KDM4C: variants seen among roughly 807,000 people sequenced by gnomAD.
KDM4C encodes lysine-specific demethylase 4C.
KDM4C carries 81 observed loss-of-function variants against 129.3 expected under a neutral mutation model. That is an observed-to-expected ratio of 0.63 (90% CI 0.52 to 0.75). The LOEUF is 0.75. KDM4C is among the 30% of genes least tolerant of loss of function. KDM4C has a pLI of 0.00. For missense variants in KDM4C, 1,457 were observed against 1,304.0 expected (o/e 1.12, Z -1.81); for synonymous variants, 573 against 456.1 (o/e 1.26, Z -3.26).
chr9:7,008,259 C>G (rs1037972684), intron 12 of KDM4C, among the ~76,000 whole-genome samples: 3 of 152,160 alleles, frequency 2.0e-5, no homozygotes, highest in African/African-American at 7.2e-5. Flanking sequence ...CCCTGGATTC[C>G]TGGCTGGTAC....
At chr9:6,850,113 T>C (rs1288397773) in intron 5 of KDM4C, among the ~76,000 whole-genome samples, 1 of 152,352 alleles carries the variant, frequency 6.6e-6, no homozygotes, top group East Asian at 1.9e-4. Context: ...CTATGCCATA[T>C]AGCCTAGGTC....
chr9:6,776,175 C>G (rs970921638), intron 1 of KDM4C, among the ~76,000 whole-genome samples: 1 of 152,192 alleles, frequency 6.6e-6, no homozygotes, highest in Non-Finnish European at 1.5e-5. Flanking sequence ...GCCTTGAACT[C>G]CTGGGCTCTG....
At chr9:7,155,181 G>A (rs963480384) in intron 19 of KDM4C, among the ~76,000 whole-genome samples, 1 of 152,110 alleles carries the variant, frequency 6.6e-6, no homozygotes. Flanking sequence ...TTGGGAACAC[G>A]CTTTGAGAAG....
At chr9:6,767,239 C>T (rs936012662) in intron 1 of KDM4C, among the ~76,000 whole-genome samples, 9 of 150,896 alleles carry the variant, frequency 6.0e-5, no homozygotes, top group Non-Finnish European at 8.9e-5. Context: ...CCTGGGTTCA[C>T]GCCATTCTCC....
At chr9:6,861,022 C>G (rs1588762433) in intron 5 of KDM4C, among the ~76,000 whole-genome samples, 1 of 152,126 alleles carries the variant, frequency 6.6e-6, no homozygotes, top group Non-Finnish European at 1.5e-5. Context: ...AAAAGCATTT[C>G]CAGCAAGTGA....
intron 19 of KDM4C, among the ~76,000 whole-genome samples, chr9:7,140,529 C>T (rs1841641141): frequency 6.6e-6 from 1 of 152,112 alleles, no homozygotes; most frequent in African/African-American, 2.4e-5. Flanking sequence ...CTAATGCTTC[C>T]CATGAAGGCC....
At position 6,857,922 on chromosome 9, in the gene KDM4C, GTTTTTT is replaced by G. The variant is rs71487861; in HGVS notation, c.629+8241_629+8246del. ...GGTGCATGTTAACACATCTGGCTAA[GTTTTTT>G]TTTTTTTTTTTTTTTTTTAGAGATG... On this transcript the variant is annotated intron_variant, in intron 5 of 21. Transcript: ENST00000381309. 4.4e-4 allele frequency among the ~76,000 whole-genome samples: 45 copies of G among 103,098 alleles called. No homozygotes were observed. In the South Asian group the frequency reaches 4.9e-3, roughly 11 times the overall value. The allele number at this position is 103,098 out of a possible 152,430, so 67.6% of individuals were successfully genotyped here. A position where few individuals can be genotyped will look rare whatever the true frequency, so the allele number is the denominator to read the frequency against.
chr9:6,845,509 C>G (rs994391351), intron 4 of KDM4C, among the ~76,000 whole-genome samples: 3 of 152,182 alleles, frequency 2.0e-5, no homozygotes, highest in East Asian at 1.9e-4. Flanking sequence ...GCCACTGTGC[C>G]TGGCCTACGA....
intron 19 of KDM4C, among the ~76,000 whole-genome samples, chr9:7,132,074 G>C (rs1383152068): frequency 6.6e-6 from 1 of 152,178 alleles, no homozygotes; most frequent in African/African-American, 2.4e-5. Context: ...CTAAGCCTCA[G>C]GTACTGGTTA....
chr9:6,948,477 T>C (rs1421494765), intron 8 of KDM4C, among the ~76,000 whole-genome samples: 6 of 147,724 alleles, frequency 4.1e-5, no homozygotes, highest in Middle Eastern at 3.4e-3. Flanking sequence ...TTTTTTTTAG[T>C]GTGCTGTTTG....
intron 17 of KDM4C, among the ~76,000 whole-genome samples, chr9:7,053,469 A>T (rs1227327020): frequency 6.6e-6 from 1 of 152,222 alleles, no homozygotes; most frequent in East Asian, 1.9e-4. Context: ...TATTGATCCT[A>T]AAATGGTGTG....
Position 6,767,503 on chromosome 9 carries a change from C to T in KDM4C, c.-18+9300C>T, listed in dbSNP as rs191119286. Among the ~76,000 whole-genome samples, 465 of 151,872 alleles carry T rather than the reference C, an allele frequency of 3.1e-3. 2 individuals carry two copies. Among genetic ancestry groups the T allele is most frequent in the East Asian group, 5.4e-3 (28 of 5,168 alleles). On this transcript the variant is annotated intron_variant, in intron 1 of 21. Transcript: ENST00000381309. ...AGGATGCAGTGCAATGGCATGATCTCGGCTCACTGCAACCTCTGCCTCCCA... is the reference window on the plus strand; with the variant it reads ...AGGATGCAGTGCAATGGCATGATCTTGGCTCACTGCAACCTCTGCCTCCCA...
At chr9:7,029,506 T>C (rs1194532820) in intron 15 of KDM4C, among the ~76,000 whole-genome samples, 1 of 151,988 alleles carries the variant, frequency 6.6e-6, no homozygotes, top group South Asian at 2.1e-4. Context: ...AGGTAATTGC[T>C]AATAAGTAAT....
intron 1 of KDM4C, among the ~76,000 whole-genome samples, chr9:6,738,405 G>A (rs981456450): frequency 6.6e-6 from 1 of 152,136 alleles, no homozygotes; most frequent in Non-Finnish European, 1.5e-5. Flanking sequence ...AACCTGGGAG[G>A]CGAAGGTTGC....
At chr9:6,876,087 G>T (rs748516765) in intron 5 of KDM4C, among the ~76,000 whole-genome samples, 3 of 152,068 alleles carry the variant, frequency 2.0e-5, no homozygotes, top group Non-Finnish European at 4.4e-5. Context: ...GTGCTTTCCT[G>T]GGTTCTTTCA....
chr9:7,149,494 G>A (rs948752877), intron 19 of KDM4C, among the ~76,000 whole-genome samples: 6 of 152,334 alleles, frequency 3.9e-5, no homozygotes, highest in African/African-American at 1.4e-4. Flanking sequence ...AGTAGGGCAC[G>A]GGGCTCCCAC....
chr9:6,807,814 C>A (rs1220755465), intron 3 of KDM4C, among the ~76,000 whole-genome samples: 12 of 147,652 alleles, frequency 8.1e-5, no homozygotes, highest in East Asian at 2.0e-4. Flanking sequence ...GCCCCCCGCC[C>A]GGCCAGCCGC....
chr9:7,094,660 CT>C (rs1836207169), intron 17 of KDM4C, among the ~76,000 whole-genome samples: 2 of 152,210 alleles, frequency 1.3e-5, no homozygotes, highest in Non-Finnish European at 2.9e-5. Context: ...CTTCTCACAG[CT>C]GCAGTTGTCT....
In KDM4C at chr9:6,844,967, C is replaced by T. The variant is rs941458839; in HGVS notation, c.436-4540C>T. Among the ~76,000 whole-genome samples, 8 of 152,262 alleles carry T rather than the reference C, an allele frequency of 5.3e-5. No individual in the cohort carries two copies. The South Asian group carries it at 6.2e-4, about 12-fold the overall frequency. On this transcript the variant is annotated intron_variant, in intron 4 of 21. Coordinates refer to ENST00000381309, the MANE Select transcript of KDM4C (RefSeq NM_015061.6). ...CCTCCCAAAGTGCTGGGATTACAGG[C>T]GTGTGCCACTGCGCCCAGCCTAGGA...
Sources: gnomAD v4.1 joint callset for allele counts (sites outside exome capture counted in the v4.1 genomes callset) on GRCh38, gnomAD v4.1.1 for gene constraint, MANE v1.5 for transcripts, NCBI Gene and HGNC (gene_info 2026-07-23, HGNC 2026-07-21) for gene names.